HPSE2: variants seen among roughly 807,000 people sequenced by gnomAD.
HPSE2 encodes heparanase 2 (inactive).
HPSE2 carries 38 observed loss-of-function variants against 60.5 expected under a neutral mutation model. The observed-to-expected ratio is 0.63, with a 90% CI of 0.48 to 0.82. The LOEUF (loss-of-function observed/expected upper bound fraction) is 0.82, where lower values mean the gene tolerates loss of function less well. HPSE2 is among the 40% of genes least tolerant of loss of function. The pLI, the probability that HPSE2 is intolerant of heterozygous loss-of-function variation, is 0.00. For missense variants in HPSE2, 713 were observed against 740.4 expected (o/e 0.96, Z 0.43); for synonymous variants, 295 against 293.2 (o/e 1.01, Z -0.06).
intron 9 of HPSE2, among the ~76,000 whole-genome samples, chr10:98,585,933 C>T (rs1030743587): frequency 1.6e-5 from 2 of 128,962 alleles, no homozygotes; most frequent in Non-Finnish European, 3.2e-5. Context: ...GCCAGGGTGA[C>T]AGAGCAAGAC....
chr10:98,827,934 G>A (rs1951590902), intron 3 of HPSE2, among the ~76,000 whole-genome samples: 1 of 152,148 alleles, frequency 6.6e-6, no homozygotes, highest in Non-Finnish European at 1.5e-5. Flanking sequence ...GAGTAAAGCA[G>A]ATTACTCTCC....
chr10:99,070,847 T>G (rs1842764907), intron 3 of HPSE2, among the ~76,000 whole-genome samples: 1 of 152,228 alleles, frequency 6.6e-6, no homozygotes, highest in African/African-American at 2.4e-5. Context: ...TTCCTTATTT[T>G]GTAAGGCTAA....
intron 9 of HPSE2, among the ~76,000 whole-genome samples, chr10:98,535,873 G>T (rs1252484344): frequency 1.3e-5 from 2 of 152,082 alleles, no homozygotes; most frequent in East Asian, 3.9e-4. Context: ...GGCTTCCCAA[G>T]AACTCTTTTG....
At chr10:98,620,129 C>T (rs1182923211) in intron 8 of HPSE2, among the ~76,000 whole-genome samples, 1 of 152,160 alleles carries the variant, frequency 6.6e-6, no homozygotes, top group African/African-American at 2.4e-5. Context: ...CTTCAGACAG[C>T]GGTAAGCACC....
At chr10:98,809,951 C>A (rs927990450) in intron 3 of HPSE2, among the ~76,000 whole-genome samples, 1 of 152,038 alleles carries the variant, frequency 6.6e-6, no homozygotes, top group East Asian at 1.9e-4. Flanking sequence ...AAACAGATGG[C>A]GGAAAACCAT....
At chr10:99,152,898 C>G (rs1210524200) in intron 2 of HPSE2, among the ~76,000 whole-genome samples, 2 of 152,220 alleles carry the variant, frequency 1.3e-5, no homozygotes, top group African/African-American at 4.8e-5. Flanking sequence ...GTGCGCGCAT[C>G]GTGCGCGAGC....
chr10:98,585,511 C>G (rs11189697), intron 9 of HPSE2, among the ~76,000 whole-genome samples: 1 of 150,728 alleles, frequency 6.6e-6, no homozygotes, highest in South Asian at 2.1e-4. Flanking sequence ...ACCTTGTGAT[C>G]TGCTCGCCTC....
intron 3 of HPSE2, among the ~76,000 whole-genome samples, chr10:99,091,474 T>C (rs1007555643): frequency 1.3e-5 from 2 of 152,144 alleles, no homozygotes; most frequent in Non-Finnish European, 2.9e-5. Flanking sequence ...GCTACATCAA[T>C]CTATTAACAA....
chr10:99,034,435 T>C (rs1387783395), intron 3 of HPSE2, among the ~76,000 whole-genome samples: 2 of 152,086 alleles, frequency 1.3e-5, no homozygotes, highest in Non-Finnish European at 2.9e-5. Context: ...TACATGACTG[T>C]CTAAATTCAT....
At chr10:98,772,899 G>A (rs1019087349) in intron 3 of HPSE2, among the ~76,000 whole-genome samples, 12 of 152,286 alleles carry the variant, frequency 7.9e-5, no homozygotes, top group African/African-American at 2.9e-4. Flanking sequence ...TTAGACTGAA[G>A]GTTTCTAGGA....
rs769476661 is a variant in HPSE2 at position 98,659,776 on chromosome 10, CA to C, written c.1005-17837del. ...AGAGTCAGTAAAGAGTCTCTTTGAA[CA>C]AATTTCCACATGAAAAATTAGAAAG... On this transcript the variant is annotated intron_variant, in intron 6 of 11. Transcript: ENST00000370552. Among the ~76,000 whole-genome samples the C allele has an allele frequency of 3.5e-3, 538 of 151,994 alleles. 6 individuals carry two copies. Among genetic ancestry groups the C allele is most frequent in the South Asian group, 0.013 (64 of 4,808 alleles).
chr10:98,718,409 A>C (rs1431809980), intron 5 of HPSE2, among the ~76,000 whole-genome samples: 1 of 152,172 alleles, frequency 6.6e-6, no homozygotes, highest in Non-Finnish European at 1.5e-5. Context: ...ACCTCAATAA[A>C]AAAGCTTACC....
chr10:98,486,193 C>G (rs1463872166), intron 10 of HPSE2, among the ~76,000 whole-genome samples: 1 of 152,072 alleles, frequency 6.6e-6, no homozygotes, highest in Non-Finnish European at 1.5e-5. Flanking sequence ...TCTTGGCTGG[C>G]GAGTGCAGCA....
chr10:98,950,024 C>A (rs1050488538), intron 3 of HPSE2, among the ~76,000 whole-genome samples: 2 of 152,088 alleles, frequency 1.3e-5, no homozygotes, highest in Admixed American at 6.6e-5. Context: ...ACAGCTGATT[C>A]CATCCTAGTG....
intron 2 of HPSE2, among the ~76,000 whole-genome samples, chr10:99,163,771 T>A (rs1046819421): frequency 5.9e-5 from 9 of 152,134 alleles, no homozygotes; most frequent in African/African-American, 2.2e-4. Context: ...TTGTCTCCAT[T>A]ATCTTGGTGG....
chr10:98,753,312 A>G (rs1209889691), intron 3 of HPSE2, among the ~76,000 whole-genome samples: 1 of 152,126 alleles, frequency 6.6e-6, no homozygotes, highest in Non-Finnish European at 1.5e-5. Context: ...GGAATGTAAA[A>G]TGCTGCAGCC....
At chr10:98,758,575 T>C (rs1205337981) in intron 3 of HPSE2, among the ~76,000 whole-genome samples, 4 of 152,064 alleles carry the variant, frequency 2.6e-5, no homozygotes, top group African/African-American at 9.7e-5. Flanking sequence ...CACAAGCATA[T>C]AAAGAAATGC....
intron 3 of HPSE2, among the ~76,000 whole-genome samples, chr10:98,990,483 G>A (rs1191679755): frequency 1.3e-5 from 2 of 152,196 alleles, no homozygotes; most frequent in South Asian, 4.1e-4. Flanking sequence ...TGTAAATAAA[G>A]ATGAAGCTTC....
chr10:98,614,272 T>A (rs186100231), intron 9 of HPSE2, among the ~76,000 whole-genome samples: 541 of 151,346 alleles, frequency 3.6e-3, no homozygotes, highest in Non-Finnish European at 6.2e-3. Flanking sequence ...AGATGGGGAA[T>A]CTCAACTGCA....
Sources: gnomAD v4.1 joint callset for allele counts (sites outside exome capture counted in the v4.1 genomes callset) on GRCh38, gnomAD v4.1.1 for gene constraint, MANE v1.5 for transcripts, NCBI Gene and HGNC (gene_info 2026-07-23, HGNC 2026-07-21) for gene names.